The following COL25A1 variants were observed in gnomAD, a reference collection of about 807,000 sequenced individuals.
COL25A1 encodes collagen type XXV alpha 1 chain.
Under a neutral mutation model 128.4 loss-of-function variants are expected in COL25A1, and 103 were observed. The observed-to-expected ratio is 0.80, with a 90% CI of 0.68 to 0.94. COL25A1 has a LOEUF of 0.94. Among genes scored for constraint, COL25A1 ranks in the 40% least tolerant of loss-of-function variants. The probability of loss-of-function intolerance (pLI) is 0.00; values close to 1 mark genes in which losing one functional copy is unlikely to be tolerated. For missense variants in COL25A1, 745 were observed against 840.0 expected (o/e 0.89, Z 1.40); for synonymous variants, 279 against 277.2 (o/e 1.01, Z -0.06).
intron 3 of COL25A1, among the ~76,000 whole-genome samples, chr4:109,295,474 T>C (rs2126288822): frequency 6.6e-6 from 1 of 152,224 alleles, no homozygotes; most frequent in East Asian, 1.9e-4. Context: ...TTTGATTTCT[T>C]TCTGCAAACT....
At chr4:108,921,343 T>G (rs963127824) in intron 11 of COL25A1, among the ~76,000 whole-genome samples, 1 of 152,182 alleles carries the variant, frequency 6.6e-6, no homozygotes, top group African/African-American at 2.4e-5. Flanking sequence ...TTGGCTTTAT[T>G]TAGAGCAAGG....
chr4:109,127,544 T>C (rs1768738433), intron 3 of COL25A1, among the ~76,000 whole-genome samples: 1 of 152,024 alleles, frequency 6.6e-6, no homozygotes, highest in East Asian at 1.9e-4. Context: ...CCCAGGCTGG[T>C]CTCAAACTCC....
intron 6 of COL25A1, among the ~76,000 whole-genome samples, chr4:109,005,759 G>A (rs1263759626): frequency 6.6e-6 from 1 of 152,166 alleles, no homozygotes; most frequent in Non-Finnish European, 1.5e-5. Flanking sequence ...TTGCACAGAT[G>A]ACAAGCTGTC....
chr4:109,129,232 C>A (rs866233491), intron 3 of COL25A1, among the ~76,000 whole-genome samples: 1 of 151,896 alleles, frequency 6.6e-6, no homozygotes, highest in African/African-American at 2.4e-5. Flanking sequence ...CAGGTTCAAG[C>A]GATTCTCCTG....
chr4:109,036,650 G>A (rs887229172), intron 5 of COL25A1, among the ~76,000 whole-genome samples: 1 of 152,148 alleles, frequency 6.6e-6, no homozygotes, highest in Admixed American at 6.5e-5. Context: ...TACCTGAAAG[G>A]AAACCACAAG....
In COL25A1 at chr4:108,813,942, A is replaced by G; in HGVS notation, c.1963-13T>C. 1 of 1,589,730 alleles carries G rather than the reference A, an allele frequency of 6.3e-7. No individual in the cohort carries two copies. The highest frequency in any genetic ancestry group is 1.7e-5 in the Admixed American group (1 of 59,282). On this transcript the variant is annotated splice_polypyrimidine_tract_variant and intron_variant, in intron 37 of 37. Transcript: ENST00000399132. ...GTTAGATTCATCACTGCAGAAAAAG[A>G]CAACAAAAAGACAAATACATGGAAT...
chr4:109,000,756 AAAAAAAAAAAAAG>A (rs1019610091), intron 6 of COL25A1, among the ~76,000 whole-genome samples: 1 of 142,902 alleles, frequency 7.0e-6, no homozygotes, highest in Non-Finnish European at 1.5e-5. Context: ...AAAAAAAAAA[AAAAAAAAAAAAAG>A]AAAAAACTAT....
At chr4:109,023,967 G>A (rs11098025) in intron 5 of COL25A1, among the ~76,000 whole-genome samples, 76,152 of 152,032 alleles carry the variant, frequency 0.5, 21,785 homozygotes, top group African/African-American at 0.77. Flanking sequence ...CAATGCTTCA[G>A]ACATTCTTCA....
intron 8 of COL25A1, among the ~76,000 whole-genome samples, chr4:108,952,736 T>C (rs549647488): frequency 1.3e-5 from 2 of 150,964 alleles, no homozygotes; most frequent in Non-Finnish European, 2.9e-5. Context: ...AGAGGAGGCA[T>C]AGCATGGATC....
At chr4:109,057,421 ATTTTTTTTTTTTTTTTTTTTTT>A in intron 3 of COL25A1, among the ~76,000 whole-genome samples, 1 of 20,238 alleles carries the variant, frequency 4.9e-5, no homozygotes, top group South Asian at 8.8e-3. Flanking sequence ...TGCCTAGCTA[ATTTTTTTTTTTTTTTTTTTTTT>A]TTTTTTTTTT....
intron 2 of COL25A1, 66 bp downstream of exon 2, chr4:109,301,657 T>C: frequency 1.3e-6 from 2 of 1,543,266 alleles, no homozygotes; most frequent in Non-Finnish European, 1.8e-6. Flanking sequence ...TAGCGGCTAG[T>C]CATGCACACA....
At chr4:108,852,869 C>T in intron 25 of COL25A1, 33 bp downstream of exon 25, 1 of 1,595,474 alleles carries the variant, frequency 6.3e-7, no homozygotes, top group Non-Finnish European at 8.6e-7. Context: ...AATACAAAAC[C>T]ACAAACCACA....
intron 3 of COL25A1, among the ~76,000 whole-genome samples, chr4:109,116,552 A>G (rs190442355): frequency 1.1e-4 from 16 of 152,112 alleles, no homozygotes; most frequent in Middle Eastern, 3.4e-3. Flanking sequence ...CCACATTACT[A>G]AAGGCCTATT....
chr4:108,997,500 A>T (rs997708884), intron 6 of COL25A1, among the ~76,000 whole-genome samples: 4 of 152,228 alleles, frequency 2.6e-5, no homozygotes, highest in African/African-American at 9.6e-5. Flanking sequence ...CCAACCAAAA[A>T]AAGTCCAAGA....
chr4:108,879,943 G>A (rs1355872157), intron 19 of COL25A1, among the ~76,000 whole-genome samples: 4 of 151,682 alleles, frequency 2.6e-5, no homozygotes, highest in African/African-American at 2.4e-5. Context: ...CCACTAGCTG[G>A]GACTACAACT....
rs3096495 is a variant in COL25A1 at position 109,083,623 on chromosome 4, C to T, written c.368-33444G>A. On this transcript the variant is annotated intron_variant, in intron 3 of 37. Coordinates refer to ENST00000399132, the MANE Select transcript of COL25A1 (RefSeq NM_198721.4). The stretch of plus-strand genomic sequence containing the variant: ...GACTGCAGGCACCCGCTACCACGCC[C>T]GGCTAATTTTTTGTATTTTTAGTAG... Among the ~76,000 whole-genome samples, 87 of 151,870 alleles carry T rather than the reference C, an allele frequency of 5.7e-4. 1 individual carries two copies. Among genetic ancestry groups the T allele is most frequent in the African/African-American group, 2.0e-3 (81 of 41,440 alleles).
rs905988949 is a variant in COL25A1, at chr4:108,901,225, T to C, written c.781-53A>G. 18 of 1,208,360 alleles carry C rather than the reference T, an allele frequency of 1.5e-5. No homozygotes were observed. In the African/African-American group the frequency reaches 2.5e-4, roughly 17 times the overall value. 74.9% of individuals were successfully genotyped at this position (1,208,360 alleles called of 1,614,324 possible). ...AGTAAAATAGACAAAATCAATACATTACATGGATCATTAGAGGAGACAGCC... is the reference window on the plus strand; with the variant it reads ...AGTAAAATAGACAAAATCAATACATCACATGGATCATTAGAGGAGACAGCC... On this transcript the variant is annotated intron_variant, in intron 13 of 37. Coordinates refer to ENST00000399132, the MANE Select transcript of COL25A1 (RefSeq NM_198721.4).
At chr4:109,121,571 G>T (rs989073048) in intron 3 of COL25A1, among the ~76,000 whole-genome samples, 2 of 152,048 alleles carry the variant, frequency 1.3e-5, no homozygotes, top group African/African-American at 4.8e-5. Context: ...ACAACAATAA[G>T]ATATTACTAT....
Position 108,889,190 on chromosome 4 carries a change from A to G in COL25A1, c.975+31T>C, listed in dbSNP as rs971439914. 3.1e-6 allele frequency: 5 copies of G among 1,590,926 alleles called. No individual in the cohort carries two copies. The African/African-American group carries it at 5.4e-5, about 17-fold the overall frequency. On this transcript the variant is annotated intron_variant, in intron 18 of 37. Transcript: ENST00000399132. ...AGATATAAAATGGTGAATATGAGAC[A>G]GTAGGAACACACTAGAGATAGAGAT...
Sources: gnomAD v4.1 joint callset for allele counts (sites outside exome capture counted in the v4.1 genomes callset) on GRCh38, gnomAD v4.1.1 for gene constraint, MANE v1.5 for transcripts, NCBI Gene and HGNC (gene_info 2026-07-23, HGNC 2026-07-21) for gene names.